Variants in GPATCH11 observed in about 807,000 individuals in gnomAD.
GPATCH11 encodes G-patch domain containing 11.
A neutral mutation model predicts 44.8 loss-of-function variants in GPATCH11; 32 were observed. That is an observed-to-expected ratio of 0.71 (90% CI 0.54 to 0.96). The LOEUF (loss-of-function observed/expected upper bound fraction) is 0.96, where lower values mean the gene tolerates loss of function less well. GPATCH11 is among the 40% of genes least tolerant of loss of function. The pLI is 0.00. For missense variants in GPATCH11, 324 were observed against 303.1 expected (o/e 1.07, Z -0.51); for synonymous variants, 84 against 94.4 (o/e 0.89, Z 0.64).
At chr2:37,094,297 G>T (rs539578997) in intron 7 of GPATCH11, 102 bp downstream of exon 7, 1 of 723,672 alleles carries the variant, frequency 1.4e-6, no homozygotes, top group East Asian at 2.8e-5. Flanking sequence ...CCTGTGCATT[G>T]CAAGATGTTT....
intron 1 of GPATCH11, 55 bp downstream of exon 1, chr2:37,084,625 A>G: frequency 4.1e-6 from 5 of 1,212,478 alleles, no homozygotes; most frequent in Non-Finnish European, 5.2e-6. Flanking sequence ...GATAAAAGGC[A>G]GAGTGCGCTG....
At chr2:37,092,068 A>C in intron 5 of GPATCH11, 32 bp downstream of exon 5, 1 of 1,611,172 alleles carries the variant, frequency 6.2e-7, no homozygotes, top group African/African-American at 1.3e-5. Context: ...TTTTGGTTCT[A>C]TTTCCTCTTT....
At position 37,096,365 on chromosome 2, in the gene GPATCH11, G is replaced by A. The variant is rs1458794489; in HGVS notation, c.*102G>A. 1.4e-6 allele frequency: 1 copy of A among 696,372 alleles called. No individual in the cohort carries two copies. The highest frequency in any genetic ancestry group is 2.5e-6 in the Non-Finnish European group (1 of 402,078). The allele number at this position is 696,372 out of a possible 1,614,324, so 43.1% of individuals were successfully genotyped here. A position where few individuals can be genotyped will look rare whatever the true frequency, so the allele number is the denominator to read the frequency against. On this transcript the variant is annotated 3_prime_UTR_variant, in exon 9 of 9. Transcript: ENST00000674370. ...CAAATTTTTTATGCCAGTAAAGAAA[G>A]GGGGACTTTATATAATGTTTTGTTC...
At chr2:37,090,357 C>T (rs866853343) in intron 3 of GPATCH11, among the ~76,000 whole-genome samples, 3 of 152,084 alleles carry the variant, frequency 2.0e-5, no homozygotes, top group Non-Finnish European at 2.9e-5. Flanking sequence ...CTCTGTAAAC[C>T]GTTTTTCTTT....
In GPATCH11 at chr2:37,086,510, C is replaced by A. The variant is rs544093084; in HGVS notation, c.-13-1859C>A. Among the ~76,000 whole-genome samples the A allele has an allele frequency of 2.6e-5, 4 of 152,188 alleles. No individual in the cohort carries two copies. The South Asian group carries it at 6.2e-4, about 24-fold the overall frequency. ...AGATATACATTAAAAATATAAAAAA[C>A]CAGGCCAGGTGTGGTGGCTCACGCC... On this transcript the variant is annotated intron_variant, in intron 1 of 8. Transcript: ENST00000674370.
chr2:37,086,878 G>A (rs1673076897), intron 1 of GPATCH11, among the ~76,000 whole-genome samples: 1 of 152,194 alleles, frequency 6.6e-6, no homozygotes, highest in Non-Finnish European at 1.5e-5. Flanking sequence ...ACACTTGGTT[G>A]CAGTTGACAG....
At chr2:37,087,415 A>G (rs1293148069) in intron 1 of GPATCH11, among the ~76,000 whole-genome samples, 2 of 152,264 alleles carry the variant, frequency 1.3e-5, no homozygotes, top group Admixed American at 6.5e-5. Context: ...TGAACCTGCT[A>G]GAAATGCAGA....
intron 4 of GPATCH11, among the ~76,000 whole-genome samples, chr2:37,091,170 C>T (rs1356341722): frequency 6.6e-6 from 1 of 151,780 alleles, no homozygotes; most frequent in African/African-American, 2.4e-5. Flanking sequence ...ACTAAAAATA[C>T]AGAATTAGCC....
chr2:37,092,103 G>A, intron 5 of GPATCH11, 62 bp from the exon 6 acceptor site: 4 of 1,573,934 alleles, frequency 2.5e-6, no homozygotes, highest in Non-Finnish European at 3.5e-6. Flanking sequence ...TCTGGTACTT[G>A]GGCATATAAA....
chr2:37,091,963 G>A lies in GPATCH11; in HGVS notation c.376G>A (p.Glu126Lys), dbSNP rs1673342487. 6.2e-7 allele frequency: 1 copy of A among 1,612,770 alleles called. No individual in the cohort carries two copies. The highest frequency in any genetic ancestry group is 1.7e-5 in the Admixed American group (1 of 59,938). Residue 126 changes from glutamate to lysine, a missense_variant, in exon 5 of 9, where the codon GAA becomes AAA. Physicochemically the swap from Glu to Lys is moderately conservative, Grantham distance 56 (BLOSUM62 1). Coordinates refer to ENST00000674370, the MANE Select transcript of GPATCH11 (RefSeq NM_174931.4). ...HEASLKRKAE[E>K]KLESYRKKIH... is the part of the protein sequence containing the mutation. ...GGCATCATTAAAACGGAAAGCAGAG[G>A]AAAAATTGGAAAGCTACAGAAAAAA...
intron 8 of GPATCH11, among the ~76,000 whole-genome samples, chr2:37,095,978 G>T (rs1673558885): frequency 1.3e-5 from 2 of 151,966 alleles, no homozygotes; most frequent in Admixed American, 1.3e-4. Context: ...GTCTTACAGA[G>T]CCAAGTGTTT....
intron 1 of GPATCH11, 129 bp downstream of exon 1, chr2:37,084,699 C>T: frequency 1.5e-6 from 1 of 679,842 alleles, no homozygotes; most frequent in Non-Finnish European, 2.1e-6. Flanking sequence ...GTCTGTGGGA[C>T]GCTTGCAGCC....
intron 7 of GPATCH11, among the ~76,000 whole-genome samples, chr2:37,094,595 A>C (rs1673481632): frequency 6.6e-6 from 1 of 152,224 alleles, no homozygotes; most frequent in Non-Finnish European, 1.5e-5. Context: ...TCTACAAGTC[A>C]TTCTAATGTG....
rs1450704051 is a variant in GPATCH11, at chr2:37,099,164, A to T, written c.*2901A>T. ...TAATTTTCTTAATTAAAAATCCAGA[A>T]TTCTGTAGTTTCTGAAATTCAAAAT... On this transcript the variant is annotated 3_prime_UTR_variant, in exon 9 of 9. Transcript: ENST00000674370. The T allele has an allele frequency of 6.6e-6, 1 of 152,220 alleles. No homozygotes were observed. The highest frequency in any genetic ancestry group is 2.4e-5 in the African/African-American group (1 of 41,466). The allele number at this position is 152,220 out of a possible 1,614,324, so 9.4% of individuals were successfully genotyped here.
chr2:37,084,575 G>A lies in GPATCH11; in HGVS notation c.-14+5G>A. 3 of 1,232,360 alleles carry A rather than the reference G, an allele frequency of 2.4e-6. No individual in the cohort carries two copies. The highest frequency in any genetic ancestry group is 3.0e-6 in the Non-Finnish European group (3 of 988,064). The allele number at this position is 1,232,360 out of a possible 1,614,324, so 76.3% of individuals were successfully genotyped here. A position where few individuals can be genotyped will look rare whatever the true frequency, so the allele number is the denominator to read the frequency against. ...GGGCGAGCAGAGAGCTGTCAGGTAA[G>A]AGAGCTGTCAGGTAAGGGTCTGGGG... is the stretch of plus-strand genomic sequence containing the variant. On this transcript the variant is annotated splice_donor_5th_base_variant and intron_variant, in intron 1 of 8. Transcript: ENST00000674370.
chr2:37,094,196 G>A lies in GPATCH11; in HGVS notation c.654+1G>A, dbSNP rs368988833. 2.8e-5 allele frequency: 43 copies of A among 1,513,644 alleles called. No individual in the cohort carries two copies. Among genetic ancestry groups the A allele is most frequent in the South Asian group, 6.0e-5 (5 of 83,330 alleles). The allele number at this position is 1,513,644 out of a possible 1,614,324, so 93.8% of individuals were successfully genotyped here. ...TGAATATAAGAGTGAAGATTTAAGC[G>A]TATGCTTTGCACCATTTCCTTCATA... On this transcript the variant is annotated splice_donor_variant, in intron 7 of 8. Transcript: ENST00000674370. LOFTEE classifies it high-confidence loss of function.
intron 8 of GPATCH11, among the ~76,000 whole-genome samples, chr2:37,095,830 G>T (rs1673549498): frequency 6.6e-6 from 1 of 152,126 alleles, no homozygotes; most frequent in Non-Finnish European, 1.5e-5. Context: ...ATATTTGAAA[G>T]AATTTATATT....
chr2:37,085,118 G>C (rs927821445), intron 1 of GPATCH11, among the ~76,000 whole-genome samples: 3 of 152,136 alleles, frequency 2.0e-5, no homozygotes, highest in Admixed American at 2.0e-4. Flanking sequence ...TATCTTTGAT[G>C]GAAATGGATA....
Position 37,096,633 on chromosome 2 carries a change from C to T in GPATCH11, c.*370C>T, listed in dbSNP as rs919888538. The T allele has an allele frequency of 3.7e-5, 7 of 186,968 alleles. No individual in the cohort carries two copies. The highest frequency in any genetic ancestry group is 3.2e-4 in the South Asian group (3 of 9,506). The allele number at this position is 186,968 out of a possible 1,614,324, so 11.6% of individuals were successfully genotyped here. ...CACTTTATCAGTGAATAAACTGATA[C>T]AGAGAAGAAGGTTGACTTTTTCTCC... On this transcript the variant is annotated 3_prime_UTR_variant, in exon 9 of 9. Coordinates refer to ENST00000674370, the MANE Select transcript of GPATCH11 (RefSeq NM_174931.4).
Sources: gnomAD v4.1 joint callset for allele counts (sites outside exome capture counted in the v4.1 genomes callset) on GRCh38, gnomAD v4.1.1 for gene constraint, MANE v1.5 for transcripts, NCBI Gene and HGNC (gene_info 2026-07-23, HGNC 2026-07-21) for gene names.